DRC11: variants seen among roughly 807,000 people sequenced by gnomAD.
The protein encoded by DRC11 is dynein regulatory complex subunit 11, also known as IQ and AAA domain-containing protein 1.
the DRC11 span, among the ~76,000 whole-genome samples, chr2:236,499,343 C>T: frequency 6.6e-6 from 1 of 152,214 alleles, no homozygotes; most frequent in Non-Finnish European, 1.5e-5. The surrounding 1 kb of genome is among the most constrained non-coding windows in gnomAD (Gnocchi z 4.7). Flanking sequence ...GGCTTTTGAT[C>T]ACCCAGCCCC....
chr2:236,390,094 T>C, the DRC11 span, among the ~76,000 whole-genome samples: 1 of 152,204 alleles, frequency 6.6e-6, no homozygotes, highest in Non-Finnish European at 1.5e-5. This position sits in a 1 kb window ranked among gnomAD's most constrained non-coding sequence, Gnocchi z 5.9. Flanking sequence ...CCTACTATTA[T>C]TGTATTGCTG....
At chr2:236,484,175 CAGAA>C in the DRC11 span, among the ~76,000 whole-genome samples, 2 of 152,170 alleles carry the variant, frequency 1.3e-5, no homozygotes, top group African/African-American at 4.8e-5. Context: ...TATAAATAGA[CAGAA>C]AAGAATCCCG....
chr2:236,369,114 G>A, the DRC11 span: 1 of 152,208 alleles, frequency 6.6e-6, no homozygotes, highest in Non-Finnish European at 1.5e-5. This position sits in a 1 kb window ranked among gnomAD's most constrained non-coding sequence, Gnocchi z 4.5. Context: ...CACCATGTCT[G>A]GATTTTTTTC....
the DRC11 span, chr2:236,368,188 CTT>C: frequency 6.3e-7 from 1 of 1,579,816 alleles, no homozygotes; most frequent in East Asian, 2.2e-5. Flanking sequence ...CACGCCGAGT[CTT>C]TACCTAATGG....
the DRC11 span, among the ~76,000 whole-genome samples, chr2:236,422,282 T>C: frequency 5.3e-5 from 8 of 152,188 alleles, no homozygotes; most frequent in East Asian, 1.9e-4. Context: ...TGTTTGCAGA[T>C]GACATGATTG....
chr2:236,388,490 C>T, the DRC11 span, among the ~76,000 whole-genome samples: 13 of 152,002 alleles, frequency 8.6e-5, no homozygotes, highest in East Asian at 7.8e-4. Context: ...ACGTAGTTCT[C>T]GAGCCTTGGT....
At chr2:236,313,054 T>C in the DRC11 span, among the ~76,000 whole-genome samples, 1 of 152,116 alleles carries the variant, frequency 6.6e-6, no homozygotes, top group Non-Finnish European at 1.5e-5. This position sits in a 1 kb window ranked among gnomAD's most constrained non-coding sequence, Gnocchi z 4.5. Context: ...ATCCTTTCTA[T>C]ACAGATGGAT....
the DRC11 span, chr2:236,486,766 C>T: frequency 6.5e-6 from 7 of 1,077,324 alleles, no homozygotes; most frequent in Non-Finnish European, 8.3e-6. The surrounding 1 kb of genome is among the most constrained non-coding windows in gnomAD (Gnocchi z 5.7). Context: ...CAGAAGAAGA[C>T]ACAGTCTCAC....
the DRC11 span, among the ~76,000 whole-genome samples, chr2:236,337,044 G>A: frequency 6.6e-6 from 1 of 152,078 alleles, no homozygotes; most frequent in Non-Finnish European, 1.5e-5. This position sits in a 1 kb window ranked among gnomAD's most constrained non-coding sequence, Gnocchi z 4.9. Flanking sequence ...GCCAGGTGCA[G>A]CCTGTCCGGT....
chr2:236,307,244 C>T, the DRC11 span, among the ~76,000 whole-genome samples: 8 of 152,136 alleles, frequency 5.3e-5, 1 homozygote, highest in Non-Finnish European at 7.3e-5. This position sits in a 1 kb window ranked among gnomAD's most constrained non-coding sequence, Gnocchi z 7.0. Flanking sequence ...CTTCAACATC[C>T]GGCATGAGAA....
chr2:236,308,066 C>T, the DRC11 span, among the ~76,000 whole-genome samples: 88 of 152,096 alleles, frequency 5.8e-4, no homozygotes, highest in African/African-American at 2.0e-3. The surrounding 1 kb of genome is among the most constrained non-coding windows in gnomAD (Gnocchi z 6.0). Context: ...GTGACGCAGG[C>T]GTCCTCATGC....
At chr2:236,343,912 T>A in the DRC11 span, 1 of 403,980 alleles carries the variant, frequency 2.5e-6, no homozygotes, top group Non-Finnish European at 4.8e-6. The surrounding 1 kb of genome is among the most constrained non-coding windows in gnomAD (Gnocchi z 6.6). Flanking sequence ...GTATAATACA[T>A]AAGGATCAAA....
the DRC11 span, among the ~76,000 whole-genome samples, chr2:236,396,302 C>CGGGGG: frequency 3.5e-4 from 21 of 60,288 alleles, no homozygotes; most frequent in East Asian, 2.2e-3. Context: ...GAAAGAGGGG[C>CGGGGG]GGGGGGGGGT....
At chr2:236,495,342 T>TA in the DRC11 span, among the ~76,000 whole-genome samples, 1 of 151,506 alleles carries the variant, frequency 6.6e-6, no homozygotes, top group Non-Finnish European at 1.5e-5. The surrounding 1 kb of genome is among the most constrained non-coding windows in gnomAD (Gnocchi z 5.6). Flanking sequence ...AAACTCCATC[T>TA]AAAAAAAAAT....
the DRC11 span, among the ~76,000 whole-genome samples, chr2:236,492,884 G>A: frequency 3.5e-4 from 54 of 152,312 alleles, no homozygotes; most frequent in African/African-American, 1.2e-3. Context: ...AGGAGGTATC[G>A]GGGCACAGAA....
chr2:236,366,975 AT>A, the DRC11 span, among the ~76,000 whole-genome samples: 37,262 of 127,262 alleles, frequency 0.29, 4,988 homozygotes, highest in African/African-American at 0.42. Flanking sequence ...ACACCCGGCT[AT>A]TTTTTTTTTT....
chr2:236,404,258 CAATT>C, the DRC11 span, among the ~76,000 whole-genome samples: 5 of 151,806 alleles, frequency 3.3e-5, no homozygotes, highest in East Asian at 5.8e-4. Context: ...CAATTATGCT[CAATT>C]AAGTGAGAAT....
chr2:236,450,700 G>A, the DRC11 span, among the ~76,000 whole-genome samples: 2 of 151,938 alleles, frequency 1.3e-5, no homozygotes, highest in African/African-American at 4.8e-5. Context: ...TTCTTACTAC[G>A]TTTTTAACCT....
chr2:236,374,134 G>A, the DRC11 span, among the ~76,000 whole-genome samples: 1 of 152,102 alleles, frequency 6.6e-6, no homozygotes, highest in Non-Finnish European at 1.5e-5. Flanking sequence ...CCTGTTCTCA[G>A]GTCCTTTGGT....
Sources: gnomAD v4.1 joint callset for allele counts (sites outside exome capture counted in the v4.1 genomes callset) on GRCh38, gnomAD v4.1.1 for gene constraint, Gnocchi (gnomAD v3.1) non-coding constraint, MANE v1.5 for transcripts, NCBI Gene and HGNC (gene_info 2026-07-23, HGNC 2026-07-21) for gene names.